CXorf58: variants seen among roughly 807,000 people sequenced by gnomAD.
CXorf58 encodes chromosome X open reading frame 58.
In CXorf58, 24 loss-of-function variants were observed where a neutral mutation model predicts 26.0. That is an observed-to-expected ratio of 0.92 (90% confidence interval 0.67 to 1.30). CXorf58 has a LOEUF of 1.30. CXorf58 is among the 50% of genes most tolerant of loss of function. CXorf58 has a pLI of 0.00. For missense variants in CXorf58, 236 were observed against 263.9 expected (o/e 0.89, Z 0.73); for synonymous variants, 87 against 86.1 (o/e 1.01, Z -0.06).
chrX:23,916,174 C>A (rs1252984702), intron 4 of CXorf58, 43 bp from the exon 5 acceptor site: 3 of 908,700 alleles, frequency 3.3e-6, no homozygotes, highest in Non-Finnish European at 4.7e-6. Flanking sequence ...CAACTGAGCC[C>A]AAAACCTGAT....
chrX:23,919,414 G>C (rs1927808419), intron 5 of CXorf58, among the ~76,000 whole-genome samples: 1 of 112,005 alleles, frequency 8.9e-6, no homozygotes, highest in Admixed American at 9.6e-5. Context: ...ATTTCTTTCT[G>C]CTCGATTATT....
At chrX:23,935,175 G>A (rs770147057) in intron 6 of CXorf58, 21 bp from the exon 7 acceptor site, 3 of 1,170,762 alleles carry the variant, frequency 2.6e-6, no homozygotes, top group East Asian at 3.0e-5. Context: ...CAACTTAATC[G>A]TTCTTGTTTT....
intron 4 of CXorf58, 31 bp from the exon 5 acceptor site, chrX:23,916,186 C>T: frequency 1.0e-6 from 1 of 993,199 alleles, no homozygotes; most frequent in African/African-American, 1.9e-5. Flanking sequence ...AAACCTGATG[C>T]CAAATAACTA....
At chrX:23,919,644 GT>G (rs1031119291) in intron 5 of CXorf58, among the ~76,000 whole-genome samples, 2 of 112,179 alleles carry the variant, frequency 1.8e-5, no homozygotes, top group African/African-American at 6.5e-5. Context: ...GCCTTATTTA[GT>G]TTCTTTGGTG....
intron 6 of CXorf58, among the ~76,000 whole-genome samples, chrX:23,928,236 A>G (rs1368661310): frequency 9.1e-6 from 1 of 109,940 alleles, no homozygotes; most frequent in Non-Finnish European, 1.9e-5. Context: ...GCTGGAGTGC[A>G]ATGGCGCAAT....
At chrX:23,915,637 A>G in intron 3 of CXorf58, 63 bp from the exon 4 acceptor site, 2 of 658,782 alleles carry the variant, frequency 3.0e-6, no homozygotes, top group Non-Finnish European at 4.9e-6. Flanking sequence ...CCTCTGTTAT[A>G]GTCCATAAAT....
intron 7 of CXorf58, among the ~76,000 whole-genome samples, chrX:23,938,010 C>A (rs549887972): frequency 9.2e-6 from 1 of 108,606 alleles, no homozygotes; most frequent in South Asian, 4.0e-4. Flanking sequence ...CTCAGCCTCC[C>A]GAGTAGCTGG....
chrX:23,937,644 C>T (rs1928328264), intron 7 of CXorf58, among the ~76,000 whole-genome samples: 2 of 109,725 alleles, frequency 1.8e-5, no homozygotes, highest in Non-Finnish European at 3.8e-5. Context: ...AGGCTGGTCT[C>T]GAACTCCAGA....
At chrX:23,923,998 G>C (rs916214387) in intron 5 of CXorf58, among the ~76,000 whole-genome samples, 3 of 110,640 alleles carry the variant, frequency 2.7e-5, no homozygotes, top group Non-Finnish European at 5.7e-5. Flanking sequence ...TCCAGAAGGC[G>C]GAGGTTGCCG....
chrX:23,923,997 C>T (rs755159667), intron 5 of CXorf58, among the ~76,000 whole-genome samples: 236 of 111,816 alleles, frequency 2.1e-3, no homozygotes, highest in Non-Finnish European at 3.9e-3. Flanking sequence ...ATCCAGAAGG[C>T]GGAGGTTGCC....
intron 6 of CXorf58, among the ~76,000 whole-genome samples, chrX:23,927,638 T>C (rs1279607089): frequency 9.0e-6 from 1 of 111,091 alleles, no homozygotes; most frequent in Non-Finnish European, 1.9e-5. Flanking sequence ...GGTTTGTTAT[T>C]GTATATAGGT....
At chrX:23,917,787 G>A (rs1927768827) in intron 5 of CXorf58, among the ~76,000 whole-genome samples, 1 of 112,387 alleles carries the variant, frequency 8.9e-6, no homozygotes, top group South Asian at 3.6e-4. Flanking sequence ...AATCACCTGG[G>A]AATCTTGTTA....
At chrX:23,926,127 A>C (rs1203626915) in intron 5 of CXorf58, among the ~76,000 whole-genome samples, 1 of 110,502 alleles carries the variant, frequency 9.0e-6, no homozygotes, top group Admixed American at 9.8e-5. Flanking sequence ...TCATATAAAC[A>C]TACCCTTTGT....
At chrX:23,939,137 C>T (rs1406851284) in intron 8 of CXorf58, 107 bp from the exon 9 acceptor site, 4 of 496,386 alleles carry the variant, frequency 8.1e-6, no homozygotes, top group Middle Eastern at 3.8e-4. Flanking sequence ...TTTAAAAAAT[C>T]GCTGTGAATA....
chrX:23,909,791 G>A (rs1464446970), intron 1 of CXorf58, among the ~76,000 whole-genome samples: 1 of 112,103 alleles, frequency 8.9e-6, no homozygotes, highest in Non-Finnish European at 1.9e-5. Flanking sequence ...TTACCAAGGA[G>A]GGAACTGAAC....
chrX:23,921,215 G>A (rs1194010987), intron 5 of CXorf58, among the ~76,000 whole-genome samples: 1 of 111,442 alleles, frequency 9.0e-6, no homozygotes, highest in Non-Finnish European at 1.9e-5. Flanking sequence ...GGAAATCACT[G>A]CTTATGCATT....
At chrX:23,915,901 G>A in intron 4 of CXorf58, 107 bp downstream of exon 4, 5 of 486,395 alleles carry the variant, frequency 1.0e-5, no homozygotes, top group Non-Finnish European at 1.7e-5. Context: ...TAATTACAAA[G>A]TAAATGTGTT....
Position 23,916,281 on chromosome X carries a change from G to GTTACAA in CXorf58, c.376_377insTTACAA (p.Gly126delinsValThrSer). 1.1e-5 allele frequency: 13 copies of GTTACAA among 1,202,814 alleles called. No individual in the cohort carries two copies. The highest frequency in any genetic ancestry group is 1.5e-5 in the Non-Finnish European group (13 of 889,466). On this transcript the variant is annotated protein_altering_variant, in exon 5 of 9. Coordinates refer to ENST00000379211, the MANE Select transcript of CXorf58 (RefSeq NM_152761.3). Reference sequence around the variant, plus strand: ...AATTTTTCTTCATACTGATGGCCATGGTTACAAGTATTTTAGTGGAAAAAA... The same window carrying GTTACAA: ...AATTTTTCTTCATACTGATGGCCATGTTACAAGTTACAAGTATTTTAGTGGAAAAAA...
At chrX:23,911,708 A>G in intron 2 of CXorf58, 49 bp from the exon 3 acceptor site, 1 of 873,703 alleles carries the variant, frequency 1.1e-6, no homozygotes, top group Non-Finnish European at 1.6e-6. Context: ...CTAAGGTTTT[A>G]GGAAAATGAA....
Sources: allele counts gnomAD v4.1 joint callset (sites outside exome capture counted in the v4.1 genomes callset), GRCh38; gene constraint gnomAD v4.1.1; transcripts MANE v1.5; gene names NCBI Gene and HGNC (gene_info 2026-07-23, HGNC 2026-07-21).